The following FAM13A variants were observed in gnomAD, a reference collection of about 807,000 sequenced individuals.
FAM13A encodes protein FAM13A.
Under a neutral mutation model 129.6 loss-of-function variants are expected in FAM13A, and 76 were observed. That is an observed-to-expected ratio of 0.59 (90% CI 0.49 to 0.71). The LOEUF (loss-of-function observed/expected upper bound fraction) is 0.71, where lower values mean the gene tolerates loss of function less well. Among genes scored for constraint, FAM13A ranks in the 30% least tolerant of loss-of-function variants. The probability of loss-of-function intolerance (pLI) is 0.00; values close to 1 mark genes in which losing one functional copy is unlikely to be tolerated. For missense variants in FAM13A, 1,108 were observed against 1,249.3 expected (o/e 0.89, Z 1.70); for synonymous variants, 443 against 449.9 (o/e 0.98, Z 0.20).
At chr4:88,921,069 G>A (rs1192919471) in intron 5 of FAM13A, among the ~76,000 whole-genome samples, 10 of 152,270 alleles carry the variant, frequency 6.6e-5, no homozygotes, top group South Asian at 4.2e-4. Context: ...CCAAATCTAC[G>A]TCTGATTGGT....
intron 4 of FAM13A, among the ~76,000 whole-genome samples, chr4:88,986,415 T>C (rs1762251112): frequency 6.6e-6 from 1 of 152,264 alleles, no homozygotes; most frequent in South Asian, 2.1e-4. Flanking sequence ...ATTACAGGCA[T>C]GAGCCACCGC....
intron 8 of FAM13A, among the ~76,000 whole-genome samples, chr4:88,795,238 T>A (rs1471241080): frequency 6.6e-6 from 1 of 151,772 alleles, no homozygotes; most frequent in Non-Finnish European, 1.5e-5. Flanking sequence ...TGGATATAAC[T>A]CAAAAAGAGG....
chr4:89,012,221 T>C (rs1251873270), intron 3 of FAM13A, among the ~76,000 whole-genome samples: 3 of 152,056 alleles, frequency 2.0e-5, no homozygotes, highest in Admixed American at 1.3e-4. Flanking sequence ...ATTACAAAAA[T>C]AAAAAGTACA....
Position 88,746,923 on chromosome 4 carries a change from A to C in FAM13A, c.2466+9T>G. Reference sequence around the variant, plus strand: ...TGACCCCAATCAGAAAATTTACTACATCACATACCGGCCGTCCATGAATGC... The same window carrying C: ...TGACCCCAATCAGAAAATTTACTACCTCACATACCGGCCGTCCATGAATGC... On this transcript the variant is annotated intron_variant, in intron 19 of 23. Coordinates refer to ENST00000264344, the MANE Select transcript of FAM13A (RefSeq NM_014883.4). The C allele has an allele frequency of 6.3e-7, 1 of 1,596,564 alleles. No homozygotes were observed. The highest frequency in any genetic ancestry group is 8.6e-7 in the Non-Finnish European group (1 of 1,164,206).
At chr4:88,954,242 T>C (rs1273804788) in intron 4 of FAM13A, among the ~76,000 whole-genome samples, 2 of 152,244 alleles carry the variant, frequency 1.3e-5, no homozygotes, top group Non-Finnish European at 2.9e-5. Context: ...AAAAGCTTAA[T>C]ACTTATTAAC....
intron 7 of FAM13A, among the ~76,000 whole-genome samples, chr4:88,812,268 A>G (rs571662043): frequency 6.6e-6 from 1 of 152,270 alleles, no homozygotes; most frequent in South Asian, 2.1e-4. Flanking sequence ...TGTACGGATT[A>G]TGTCTCAAAA....
chr4:88,847,315 C>G (rs1177992841), intron 7 of FAM13A, among the ~76,000 whole-genome samples: 1 of 152,090 alleles, frequency 6.6e-6, no homozygotes, highest in Non-Finnish European at 1.5e-5. Flanking sequence ...CGCTTGAGCT[C>G]AGGAAGTCAA....
At chr4:88,763,307 TCATA>T (rs1345705694) in intron 13 of FAM13A, among the ~76,000 whole-genome samples, 6 of 137,900 alleles carry the variant, frequency 4.4e-5, no homozygotes. Flanking sequence ...ATTCATTCAT[TCATA>T]CATTTGGCAA....
chr4:88,830,664 T>C (rs938402000), intron 7 of FAM13A, among the ~76,000 whole-genome samples: 1 of 152,196 alleles, frequency 6.6e-6, no homozygotes, highest in Non-Finnish European at 1.5e-5. Flanking sequence ...CTTACTTCAT[T>C]AAAATCTATC....
At chr4:88,868,662 A>G (rs1388597856) in intron 6 of FAM13A, among the ~76,000 whole-genome samples, 1 of 152,098 alleles carries the variant, frequency 6.6e-6, no homozygotes, top group Non-Finnish European at 1.5e-5. Context: ...TCCTAGACAC[A>G]CCGCACCCTG....
intron 2 of FAM13A, among the ~76,000 whole-genome samples, chr4:89,022,915 G>A (rs1339167697): frequency 6.6e-6 from 1 of 152,128 alleles, no homozygotes; most frequent in Non-Finnish European, 1.5e-5. Context: ...ACATGAATGA[G>A]CTTGGGAGGG....
chr4:88,889,554 ACTC>A (rs1159093483), intron 6 of FAM13A, among the ~76,000 whole-genome samples: 1 of 152,098 alleles, frequency 6.6e-6, no homozygotes, highest in Non-Finnish European at 1.5e-5. Context: ...GTATTCATCA[ACTC>A]CTATTTCATT....
At chr4:89,017,881 C>G (rs187521304) in intron 3 of FAM13A, among the ~76,000 whole-genome samples, 9 of 152,190 alleles carry the variant, frequency 5.9e-5, no homozygotes, top group African/African-American at 2.2e-4. Flanking sequence ...CACTGACATA[C>G]AAAGCTTAAA....
chr4:89,022,196 T>G (rs1767359395), intron 2 of FAM13A, among the ~76,000 whole-genome samples: 1 of 152,204 alleles, frequency 6.6e-6, no homozygotes, highest in Non-Finnish European at 1.5e-5. Context: ...ATTGCTCTTT[T>G]TAAAGCAAAA....
At position 88,781,148 on chromosome 4, in the gene FAM13A, T is replaced by G; in HGVS notation, c.1458+17A>C. The G allele has an allele frequency of 6.6e-7, 1 of 1,504,950 alleles. No homozygotes were observed. The highest frequency in any genetic ancestry group is 2.3e-5 in the East Asian group (1 of 42,664). The allele number at this position is 1,504,950 out of a possible 1,614,324, so 93.2% of individuals were successfully genotyped here. Reference sequence around the variant, plus strand: ...ATATTTCCTAACAAGTAAAACTTTATAGACGTATTCACTTACCACAAGACC... The same window carrying G: ...ATATTTCCTAACAAGTAAAACTTTAGAGACGTATTCACTTACCACAAGACC... On this transcript the variant is annotated intron_variant, in intron 11 of 23. Coordinates refer to ENST00000264344, the MANE Select transcript of FAM13A (RefSeq NM_014883.4).
rs1407685703 is a variant in FAM13A at position 88,851,021 on chromosome 4, T to A, written c.1006A>T (p.Ser336Cys). Residue 336 changes from serine to cysteine, a missense_variant and splice_region_variant, in exon 7 of 24, where the codon AGT (serine) becomes TGT (cysteine). Coordinates refer to ENST00000264344, the MANE Select transcript of FAM13A (RefSeq NM_014883.4). ...EGAISAKLVP[S>C]SQEDERPLSP... ...TGTAGATAAAGAAAACATGCCAACCTGGGTACCAACTTGGCACTAATAGCA... is the reference window on the plus strand; with the variant it reads ...TGTAGATAAAGAAAACATGCCAACCAGGGTACCAACTTGGCACTAATAGCA... The A allele has an allele frequency of 6.2e-7, 1 of 1,613,480 alleles. No homozygotes were observed. Among genetic ancestry groups the A allele is most frequent in the Non-Finnish European group, 8.5e-7 (1 of 1,179,644 alleles).
At chr4:88,781,467 A>T (rs2290783) in intron 10 of FAM13A, 116 bp from the exon 11 acceptor site, 508,196 of 658,778 alleles carry the variant, frequency 0.77, 198,292 homozygotes, top group Non-Finnish European at 0.81. Flanking sequence ...AAATTCCAGT[A>T]TGCATCTCTG....
chr4:89,008,629 C>A (rs918628757), intron 3 of FAM13A, among the ~76,000 whole-genome samples: 1 of 152,140 alleles, frequency 6.6e-6, no homozygotes, highest in African/African-American at 2.4e-5. Context: ...CAACTCTGCA[C>A]AATCTACCTG....
At chr4:88,958,759 G>C (rs561915775) in intron 4 of FAM13A, among the ~76,000 whole-genome samples, 5 of 152,336 alleles carry the variant, frequency 3.3e-5, no homozygotes, top group Non-Finnish European at 5.9e-5. Flanking sequence ...TGTGGGAAGA[G>C]GGCTACCACT....
Sources: allele counts gnomAD v4.1 joint callset (sites outside exome capture counted in the v4.1 genomes callset), GRCh38; gene constraint gnomAD v4.1.1; transcripts MANE v1.5; gene names NCBI Gene and HGNC (gene_info 2026-07-23, HGNC 2026-07-21).